The following FARP1 variants were observed in gnomAD, a reference collection of about 807,000 sequenced individuals.
FARP1 encodes FERM, ARH/RhoGEF and pleckstrin domain protein 1, also known as FERM, ARHGEF and pleckstrin domain-containing protein 1.
A neutral mutation model predicts 128.8 loss-of-function variants in FARP1; 52 were observed. That is an observed-to-expected ratio of 0.40 (90% CI 0.32 to 0.51). The LOEUF is 0.51. Ranked by LOEUF, FARP1 falls within the 20% of genes least tolerant of loss-of-function variation. The pLI is 0.45. For synonymous variants in FARP1, 580 were observed against 551.8 expected, an observed-to-expected ratio of 1.05 and a Z score of -0.72; for missense variants, 1,333 against 1,367.9, an observed-to-expected ratio of 0.97 and a Z score of 0.40.
chr13:98,374,398 C>T (rs889352437), intron 5 of FARP1, among the ~76,000 whole-genome samples: 3 of 152,166 alleles, frequency 2.0e-5, no homozygotes, highest in Admixed American at 1.3e-4. Flanking sequence ...GCACTCCAGC[C>T]TGGAAAACAG....
chr13:98,165,794 T>C (rs1217324767), intron 1 of FARP1, among the ~76,000 whole-genome samples: 1 of 133,110 alleles, frequency 7.5e-6, no homozygotes, highest in Non-Finnish European at 1.5e-5. Context: ...CTCGGGTCAC[T>C]GAAACCTCTG....
chr13:98,270,779 G>A (rs1397216973), intron 2 of FARP1, among the ~76,000 whole-genome samples: 1 of 152,150 alleles, frequency 6.6e-6, no homozygotes, highest in Non-Finnish European at 1.5e-5. Flanking sequence ...TTAGAAATTG[G>A]GAAACTAAGC....
chr13:98,396,917 G>A (rs924952833), intron 13 of FARP1: 5 of 154,944 alleles, frequency 3.2e-5, no homozygotes, highest in African/African-American at 1.2e-4. Flanking sequence ...ACAGAAAAGG[G>A]TTTCCCATTC....
intron 1 of FARP1, among the ~76,000 whole-genome samples, chr13:98,149,439 G>A (rs1434950972): frequency 6.6e-6 from 1 of 152,194 alleles, no homozygotes; most frequent in Non-Finnish European, 1.5e-5. Context: ...TCTTTGTGTA[G>A]AGATAGGTTT....
chr13:98,354,223 G>C (rs1888553311), intron 3 of FARP1, among the ~76,000 whole-genome samples: 1 of 152,096 alleles, frequency 6.6e-6, no homozygotes. Context: ...TTTGTAGTTT[G>C]GTTTGCAGAT....
At chr13:98,233,686 C>G (rs1052234694) in intron 2 of FARP1, 3 of 152,178 alleles carry the variant, frequency 2.0e-5, no homozygotes, top group African/African-American at 7.2e-5. Context: ...CAATTCAATT[C>G]AGAAGGTGTG....
In FARP1 at chr13:98,435,372, A is replaced by G. The variant is rs139739925; in HGVS notation, c.2144-204A>G. ...ACCATGCAGGGGTCACTTAGTTTTA[A>G]GATGCTAAAGTGAAGCAAATAAATA... On this transcript the variant is annotated intron_variant, in intron 18 of 26. Coordinates refer to ENST00000319562, the MANE Select transcript of FARP1 (RefSeq NM_005766.4). 896 of 513,410 alleles carry G rather than the reference A, an allele frequency of 1.7e-3. 8 individuals are homozygous for G. Among genetic ancestry groups the G allele is most frequent in the African/African-American group, 0.014 (747 of 51,938 alleles). The allele number at this position is 513,410 out of a possible 1,614,324, so 31.8% of individuals were successfully genotyped here.
chr13:98,306,568 G>A (rs1045624324), intron 2 of FARP1, among the ~76,000 whole-genome samples: 3 of 151,832 alleles, frequency 2.0e-5, no homozygotes, highest in African/African-American at 2.4e-5. Context: ...AGGCTGGAGT[G>A]CAGTCGTGCA....
intron 2 of FARP1, 142 bp downstream of exon 2, chr13:98,213,555 T>G: frequency 1.2e-6 from 1 of 818,290 alleles, no homozygotes; most frequent in South Asian, 1.8e-5. Context: ...CGCCCCCCAA[T>G]GGCCCCGCTG....
intron 19 of FARP1, chr13:98,437,714 G>C (rs1200464131): frequency 1.1e-6 from 1 of 880,914 alleles, no homozygotes; most frequent in Non-Finnish European, 1.9e-6. Context: ...AAGAAAGGCA[G>C]ACCTGTATAG....
Position 98,395,361 on chromosome 13 carries a change from C to A in FARP1, c.1299C>A (p.Ser433Arg). Residue 433 changes from serine (S) to arginine (R), a missense_variant, in exon 13 of 27, where the codon AGC (serine) becomes AGA (arginine). Ser to Arg is a moderately radical substitution (Grantham distance 110). This residue lies in a region of FARP1 where 1,009 missense variants were observed against 969.8 expected (regional missense o/e 1.04). Coordinates refer to ENST00000319562, the MANE Select transcript of FARP1 (RefSeq NM_005766.4). ...GSHPSPAPRR[S>R]PAGNKQADGA... Reference sequence around the variant, plus strand: ...ACCCGAGCCCTGCGCCGAGGAGAAGCCCCGCGGGTAACAAGCAGGCGGACG... The same window carrying A: ...ACCCGAGCCCTGCGCCGAGGAGAAGACCCGCGGGTAACAAGCAGGCGGACG... The A allele has an allele frequency of 1.2e-6, 2 of 1,611,858 alleles. No homozygotes were observed. The highest frequency in any genetic ancestry group is 1.7e-6 in the Non-Finnish European group (2 of 1,179,116).
At chr13:98,282,916 A>G (rs903644453) in intron 2 of FARP1, among the ~76,000 whole-genome samples, 3 of 152,208 alleles carry the variant, frequency 2.0e-5, no homozygotes, top group African/African-American at 4.8e-5. Context: ...AAATAAAAAA[A>G]AATAAAAAAT....
intron 2 of FARP1, among the ~76,000 whole-genome samples, chr13:98,304,556 G>A (rs1434717526): frequency 1.3e-5 from 2 of 152,188 alleles, no homozygotes; most frequent in Non-Finnish European, 2.9e-5. Context: ...CAGGCCTGGA[G>A]CCTGGAGACA....
At chr13:98,358,840 T>C (rs1375933770) in intron 3 of FARP1, among the ~76,000 whole-genome samples, 1 of 152,068 alleles carries the variant, frequency 6.6e-6, no homozygotes, top group Non-Finnish European at 1.5e-5. Flanking sequence ...GGTTTCACCA[T>C]GTTAGCCAGG....
Position 98,379,073 on chromosome 13 carries a change from G to A in FARP1, c.496+1155G>A, listed in dbSNP as rs182667696. ...AATCTATATATAATATATAATATATGTAATATGTAATCTATATATAATATA... is the reference window on the plus strand; with the variant it reads ...AATCTATATATAATATATAATATATATAATATGTAATCTATATATAATATA... On this transcript the variant is annotated intron_variant, in intron 6 of 26. Coordinates refer to ENST00000319562, the MANE Select transcript of FARP1 (RefSeq NM_005766.4). Among the ~76,000 whole-genome samples, 98 of 52,128 alleles carry A rather than the reference G, an allele frequency of 1.9e-3. 11 individuals are homozygous for A. Among genetic ancestry groups the A allele is most frequent in the South Asian group, 5.1e-3 (8 of 1,558 alleles). 34.2% of individuals were successfully genotyped at this position (52,128 alleles called of 152,430 possible).
At chr13:98,233,464 A>G (rs1273756889) in intron 2 of FARP1, among the ~76,000 whole-genome samples, 1 of 152,140 alleles carries the variant, frequency 6.6e-6, no homozygotes, top group Non-Finnish European at 1.5e-5. Flanking sequence ...GAACTCAGCC[A>G]AGGAGTCCCA....
rs1465684621 is a variant in FARP1, at chr13:98,390,071, C to T, written c.970C>T (p.Pro324Ser). 3 of 1,614,208 alleles carry T rather than the reference C, an allele frequency of 1.9e-6. No individual in the cohort carries two copies. Among genetic ancestry groups the T allele is most frequent in the African/African-American group, 1.3e-5 (1 of 75,046 alleles). ...AFFRLFEEPKPKPKPVLFSRG... is the reference protein window; with the variant it reads ...AFFRLFEEPKSKPKPVLFSRG... ...CTTTAGACTTTTTGAAGAGCCCAAA[C>T]CAAAGCCCAAGCCCGTCCTCTTTAG... The change falls in exon 10 of 27, where the codon CCA becomes TCA. Residue 324 changes from proline (P) to serine (S), a missense_variant. By Grantham distance (74) the Pro-to-Ser change is moderately conservative. Transcript: ENST00000319562.
chr13:98,441,608 C>T (rs1424357694), intron 24 of FARP1, among the ~76,000 whole-genome samples: 5 of 152,164 alleles, frequency 3.3e-5, no homozygotes, highest in Non-Finnish European at 5.9e-5. Flanking sequence ...GGTCTTAGAA[C>T]CTCTTCTCAC....
At chr13:98,272,364 C>G (rs1396629617) in intron 2 of FARP1, among the ~76,000 whole-genome samples, 5 of 152,138 alleles carry the variant, frequency 3.3e-5, no homozygotes, top group Non-Finnish European at 7.4e-5. Flanking sequence ...CAAAATAGCC[C>G]TTTTGCACGC....
Sources: gnomAD v4.1 joint callset for allele counts (sites outside exome capture counted in the v4.1 genomes callset) on GRCh38, gnomAD v4.1.1 for gene constraint, gnomAD v4.1.1 regional missense constraint, MANE v1.5 for transcripts, NCBI Gene and HGNC (gene_info 2026-07-23, HGNC 2026-07-21) for gene names.